The following SKAP2 variants were observed in gnomAD, a reference collection of about 807,000 sequenced individuals.
SKAP2 encodes src kinase associated phosphoprotein 2.
SKAP2 carries 28 observed loss-of-function variants against 54.9 expected under a neutral mutation model. The observed-to-expected ratio is 0.51, with a 90% CI of 0.38 to 0.70. The LOEUF (loss-of-function observed/expected upper bound fraction) is 0.70. Among genes scored for constraint, SKAP2 ranks in the 30% least tolerant of loss-of-function variants. SKAP2 has a pLI of 0.00. For synonymous variants in SKAP2, 137 were observed against 134.3 expected, an observed-to-expected ratio of 1.02 and a Z score of -0.14; for missense variants, 356 against 424.1, an observed-to-expected ratio of 0.84 and a Z score of 1.41.
intron 4 of SKAP2, among the ~76,000 whole-genome samples, chr7:26,814,563 C>CAA (rs397889100): frequency 1.7e-4 from 15 of 90,144 alleles, no homozygotes; most frequent in African/African-American, 3.8e-4. Context: ...CTTACACCAG[C>CAA]AAAAAAAAAA....
At chr7:26,825,920 C>T (rs934459543) in intron 4 of SKAP2, among the ~76,000 whole-genome samples, 7 of 152,144 alleles carry the variant, frequency 4.6e-5, no homozygotes, top group African/African-American at 1.7e-4. Context: ...TTTAGTCATA[C>T]TTTCACATAT....
chr7:26,708,869 AT>A (rs1467797553), intron 9 of SKAP2, among the ~76,000 whole-genome samples: 1 of 152,210 alleles, frequency 6.6e-6, no homozygotes, highest in Non-Finnish European at 1.5e-5. Flanking sequence ...TAGCTGCCTA[AT>A]AAATATTTGT....
chr7:26,771,648 T>C (rs1783192877), intron 4 of SKAP2, among the ~76,000 whole-genome samples: 1 of 152,240 alleles, frequency 6.6e-6, no homozygotes, highest in Non-Finnish European at 1.5e-5. Context: ...TTACTTTCTT[T>C]ACCTATAAAA....
At chr7:26,791,580 A>C (rs1021296523) in intron 4 of SKAP2, among the ~76,000 whole-genome samples, 2 of 152,234 alleles carry the variant, frequency 1.3e-5, no homozygotes, top group African/African-American at 4.8e-5. Flanking sequence ...ACAATTAGGT[A>C]ACTATCTATT....
intron 4 of SKAP2, among the ~76,000 whole-genome samples, chr7:26,792,420 C>CT (rs1267420938): frequency 2.6e-5 from 4 of 152,192 alleles, no homozygotes; most frequent in African/African-American, 9.6e-5. Context: ...AAGAAGTTGA[C>CT]TCATTTCTAT....
chr7:26,797,593 A>G (rs1418900659), intron 4 of SKAP2, among the ~76,000 whole-genome samples: 1 of 152,130 alleles, frequency 6.6e-6, no homozygotes, highest in Non-Finnish European at 1.5e-5. Flanking sequence ...CCAAACAGTG[A>G]AGACTACAAC....
chr7:26,861,930 G>C (rs1343313399), intron 1 of SKAP2, among the ~76,000 whole-genome samples: 2 of 151,688 alleles, frequency 1.3e-5, no homozygotes, highest in African/African-American at 2.4e-5. Context: ...TAAAAACAAA[G>C]GACTTTAAAC....
intron 4 of SKAP2, among the ~76,000 whole-genome samples, chr7:26,770,569 C>G (rs909275400): frequency 6.6e-6 from 1 of 152,160 alleles, no homozygotes; most frequent in Non-Finnish European, 1.5e-5. Context: ...GCTTGAAACC[C>G]AGGGCCCTGG....
chr7:26,673,103 C>G (rs1328538535), intron 11 of SKAP2, among the ~76,000 whole-genome samples: 1 of 151,968 alleles, frequency 6.6e-6, no homozygotes, highest in Non-Finnish European at 1.5e-5. Flanking sequence ...AAAAGGAAAA[C>G]TCTCAAACTT....
chr7:26,717,361 T>C (rs1173429312), intron 9 of SKAP2, among the ~76,000 whole-genome samples: 1 of 151,310 alleles, frequency 6.6e-6, no homozygotes, highest in Non-Finnish European at 1.5e-5. Flanking sequence ...AAATTAAAAA[T>C]TAGCCAGGCG....
At chr7:26,737,474 G>A (rs1244047665) in intron 6 of SKAP2, among the ~76,000 whole-genome samples, 4 of 152,090 alleles carry the variant, frequency 2.6e-5, no homozygotes, top group Admixed American at 2.6e-4. Context: ...ACAACTTCCA[G>A]CATTATGTAA....
intron 4 of SKAP2, among the ~76,000 whole-genome samples, chr7:26,755,818 C>T (rs567049772): frequency 2.0e-4 from 30 of 152,284 alleles, no homozygotes; most frequent in Non-Finnish European, 4.0e-4. Context: ...GGGAGGAGGG[C>T]AAGAAGAGAT....
intron 11 of SKAP2, 70 bp from the exon 12 acceptor site, chr7:26,670,262 C>T (rs2128083343): frequency 2.7e-6 from 2 of 732,790 alleles, no homozygotes; most frequent in Non-Finnish European, 5.0e-6. Context: ...TATGCAACTT[C>T]TTAGAAATGT....
chr7:26,717,347 A>C (rs1428066489), intron 9 of SKAP2, among the ~76,000 whole-genome samples: 1 of 151,434 alleles, frequency 6.6e-6, no homozygotes, highest in African/African-American at 2.4e-5. Flanking sequence ...CCGTCTCTAC[A>C]AAAAAATTAA....
chr7:26,753,952 C>A (rs1365336926), intron 4 of SKAP2, among the ~76,000 whole-genome samples: 1 of 152,010 alleles, frequency 6.6e-6, no homozygotes, highest in African/African-American at 2.4e-5. Context: ...ACTAACACTC[C>A]CATTCAGTTC....
chr7:26,725,516 T>C lies in SKAP2; in HGVS notation c.708A>G (p.Leu236=), dbSNP rs1463632900. The C allele has an allele frequency of 1.9e-6, 3 of 1,611,342 alleles. No individual in the cohort carries two copies. The highest frequency in any genetic ancestry group is 1.1e-5 in the South Asian group (1 of 91,006). ...IPEDYDERGE[L]YDDVDHPLPI... ...GTAGAGGATGATCAACATCATCATA[T>C]AATTCTCCTCTCTCATCATAATCCT... Residue 236 remains leucine (L), a synonymous_variant, in exon 9 of 13, where the codon TTA becomes TTG. Coordinates refer to ENST00000345317, the MANE Select transcript of SKAP2 (RefSeq NM_003930.5).
intron 4 of SKAP2, among the ~76,000 whole-genome samples, chr7:26,818,422 TA>T (rs540431552): frequency 2.6e-5 from 4 of 152,182 alleles, no homozygotes; most frequent in Admixed American, 6.5e-5. Context: ...CCTTACACCT[TA>T]TACAAAAATT....
At chr7:26,805,834 T>G (rs1584400590) in intron 4 of SKAP2, among the ~76,000 whole-genome samples, 1 of 152,368 alleles carries the variant, frequency 6.6e-6, no homozygotes, top group East Asian at 1.9e-4. Flanking sequence ...CACTTCATTT[T>G]ATTGCATTTC....
chr7:26,670,172 C>G lies in SKAP2; in HGVS notation c.1008G>C (p.Trp336Cys). The G allele has an allele frequency of 6.4e-7, 1 of 1,553,628 alleles. No homozygotes were observed. The highest frequency in any genetic ancestry group is 2.2e-5 in the East Asian group (1 of 44,592). Residue 336 changes from tryptophan (W) to cysteine (C), a missense_variant, in exon 12 of 13, where the codon TGG (tryptophan) becomes TGC (cysteine). Physicochemically the swap from Trp to Cys is radical, Grantham distance 215. Transcript: ENST00000345317. The part of the protein sequence containing the change: ...ILSKEYNRYG[W>C]WVGEMKGAIG... ...TGGCTCCCTTCATTTCTCCTACCCA[C>G]CAGCCATATCTATTGTATTCCTAAT...
Sources: gnomAD v4.1 joint callset for allele counts (sites outside exome capture counted in the v4.1 genomes callset) on GRCh38, gnomAD v4.1.1 for gene constraint, MANE v1.5 for transcripts, NCBI Gene and HGNC (gene_info 2026-07-23, HGNC 2026-07-21) for gene names.